The following TBC1D8 variants were observed in gnomAD, a reference collection of about 807,000 sequenced individuals.
TBC1D8 encodes BUB2-like protein 1.
In TBC1D8, 65 loss-of-function variants were observed where a neutral mutation model predicts 118.8. The observed-to-expected ratio is 0.55, with a 90% CI of 0.45 to 0.67. The LOEUF is 0.67. Ranked by LOEUF, TBC1D8 falls within the 30% of genes least tolerant of loss-of-function variation. The probability of loss-of-function intolerance (pLI) is 0.00; values close to 1 mark genes in which losing one functional copy is unlikely to be tolerated. For missense variants in TBC1D8, 1,376 were observed against 1,471.2 expected (o/e 0.94, Z 1.06); for synonymous variants, 566 against 595.8 (o/e 0.95, Z 0.73).
chr2:101,031,918 C>A (rs1015102433), intron 11 of TBC1D8, among the ~76,000 whole-genome samples: 2 of 152,050 alleles, frequency 1.3e-5, no homozygotes, highest in African/African-American at 4.8e-5. Flanking sequence ...CCATGGCATC[C>A]ATGTAAAACC....
intron 3 of TBC1D8, 144 bp downstream of exon 3, chr2:101,059,277 G>A (rs1682623693): frequency 1.8e-6 from 1 of 563,006 alleles, no homozygotes; most frequent in East Asian, 3.0e-5. Flanking sequence ...GTTAAGACAG[G>A]TGATAAATGA....
intron 1 of TBC1D8, among the ~76,000 whole-genome samples, chr2:101,137,343 C>T (rs1420778532): frequency 6.7e-6 from 1 of 148,942 alleles, no homozygotes; most frequent in African/African-American, 2.5e-5. Flanking sequence ...GACGGAGTCT[C>T]GCACTCTCGC....
chr2:101,069,786 A>G (rs1558672208), intron 2 of TBC1D8, among the ~76,000 whole-genome samples: 1 of 151,892 alleles, frequency 6.6e-6, no homozygotes, highest in African/African-American at 2.4e-5. Context: ...ATTTTATGGG[A>G]TTTTTTTTCT....
In TBC1D8 at chr2:101,028,151, AG is replaced by A. The variant is rs781467703; in HGVS notation, c.2353-6del. ...CACAGACTGGTCTCCAAATTTCTGC[AG>A]GGAAAAAAGGGACCACTTGCTCAGT... On this transcript the variant is annotated splice_polypyrimidine_tract_variant and splice_region_variant and intron_variant, in intron 13 of 19. Coordinates refer to ENST00000409318, the MANE Select transcript of TBC1D8 (RefSeq NM_001330348.2). 6.2e-7 allele frequency: 1 copy of A among 1,613,796 alleles called. No homozygotes were observed. The highest frequency in any genetic ancestry group is 1.7e-5 in the Admixed American group (1 of 59,992).
rs568654621 is a variant in TBC1D8 at position 101,100,306 on chromosome 2, C to T, written c.128-9942G>A. ...AATACCTAGGAATACAGCTAACAAGCGATGTGAAGGGTCTCTTCAAAGAGA... is the reference window on the plus strand; with the variant it reads ...AATACCTAGGAATACAGCTAACAAGTGATGTGAAGGGTCTCTTCAAAGAGA... On this transcript the variant is annotated intron_variant, in intron 1 of 19. Coordinates refer to ENST00000409318, the MANE Select transcript of TBC1D8 (RefSeq NM_001330348.2). Among the ~76,000 whole-genome samples, 9 of 152,074 alleles carry T rather than the reference C, an allele frequency of 5.9e-5. No individual in the cohort carries two copies. In the South Asian group the frequency reaches 6.2e-4, roughly 11 times the overall value.
chr2:101,131,065 T>C (rs1405964280), intron 1 of TBC1D8, among the ~76,000 whole-genome samples: 1 of 152,022 alleles, frequency 6.6e-6, no homozygotes, highest in East Asian at 1.9e-4. Context: ...TTATTTTATT[T>C]ATTTATTTAT....
intron 17 of TBC1D8, among the ~76,000 whole-genome samples, chr2:101,012,058 G>T (rs1400934197): frequency 6.6e-6 from 1 of 152,170 alleles, no homozygotes; most frequent in East Asian, 1.9e-4. Context: ...TTAGTATTAG[G>T]AGTGTTCTTA....
intron 2 of TBC1D8, among the ~76,000 whole-genome samples, chr2:101,079,859 T>C (rs1350452013): frequency 6.6e-6 from 1 of 151,828 alleles, no homozygotes; most frequent in East Asian, 1.9e-4. Context: ...CTAATTTTTT[T>C]GTATTTTTAG....
intron 15 of TBC1D8, among the ~76,000 whole-genome samples, chr2:101,024,761 A>G (rs1166289559): frequency 6.6e-6 from 1 of 152,156 alleles, no homozygotes; most frequent in Non-Finnish European, 1.5e-5. Flanking sequence ...CTAAAGTTGA[A>G]TATATACGTC....
intron 3 of TBC1D8, among the ~76,000 whole-genome samples, chr2:101,056,096 A>C (rs1483207830): frequency 6.6e-6 from 1 of 151,326 alleles, no homozygotes; most frequent in Non-Finnish European, 1.5e-5. Context: ...TCAAGACAAG[A>C]CTACTTTTTG....
intron 1 of TBC1D8, among the ~76,000 whole-genome samples, chr2:101,099,283 G>A (rs982487597): frequency 6.6e-5 from 10 of 152,098 alleles, no homozygotes; most frequent in Admixed American, 2.0e-4. Flanking sequence ...ATTTCTGGAC[G>A]CATACCATCT....
intron 11 of TBC1D8, among the ~76,000 whole-genome samples, chr2:101,031,222 A>G (rs547188772): frequency 6.6e-6 from 1 of 152,264 alleles, no homozygotes; most frequent in East Asian, 1.9e-4. Context: ...CCACAACACA[A>G]AGTAAAAAGG....
chr2:101,094,290 A>G (rs1676251113), intron 1 of TBC1D8, among the ~76,000 whole-genome samples: 1 of 152,214 alleles, frequency 6.6e-6, no homozygotes, highest in African/African-American at 2.4e-5. Context: ...TTAATACAGA[A>G]TCTTAGCCAT....
chr2:101,060,214 GC>G (rs1682681404), intron 2 of TBC1D8, among the ~76,000 whole-genome samples: 1 of 152,220 alleles, frequency 6.6e-6, no homozygotes, highest in South Asian at 2.1e-4. Flanking sequence ...CATGGAACAA[GC>G]CCTGAGTAGC....
At chr2:101,126,364 ATATCC>A (rs1289830499) in intron 1 of TBC1D8, among the ~76,000 whole-genome samples, 1 of 152,198 alleles carries the variant, frequency 6.6e-6, no homozygotes, top group Non-Finnish European at 1.5e-5. Context: ...CACACAAACC[ATATCC>A]GAACCATAGC....
In TBC1D8 at chr2:101,129,886, C is replaced by T. The variant is rs546337021; in HGVS notation, c.127+21241G>A. 1.1e-4 allele frequency among the ~76,000 whole-genome samples: 16 copies of T among 148,752 alleles called. No individual in the cohort carries two copies. The South Asian group carries it at 3.4e-3, about 32-fold the overall frequency. On this transcript the variant is annotated intron_variant, in intron 1 of 19. Coordinates refer to ENST00000409318, the MANE Select transcript of TBC1D8 (RefSeq NM_001330348.2). ...TGCCACTGCACTCCAGCCTGGGCAA[C>T]AGGGCGAGACTCTGTCTCAAAAAAA...
intron 2 of TBC1D8, among the ~76,000 whole-genome samples, chr2:101,083,574 C>A (rs1675403080): frequency 6.6e-6 from 1 of 152,164 alleles, no homozygotes; most frequent in Non-Finnish European, 1.5e-5. Context: ...TATCTTCTGC[C>A]AAATAATAAT....
At chr2:101,041,405 T>C (rs1169203714) in intron 5 of TBC1D8, among the ~76,000 whole-genome samples, 1 of 152,100 alleles carries the variant, frequency 6.6e-6, no homozygotes, top group African/African-American at 2.4e-5. Flanking sequence ...ACCTTGAAAA[T>C]ATTATACTGA....
intron 17 of TBC1D8, 135 bp from the exon 18 acceptor site, chr2:101,011,675 C>T (rs912994367): frequency 5.0e-6 from 4 of 798,648 alleles, no homozygotes; most frequent in African/African-American, 3.4e-5. Context: ...GCAGGGTCCA[C>T]GAACCCAAAT....
Sources: gnomAD v4.1 joint callset for allele counts (sites outside exome capture counted in the v4.1 genomes callset) on GRCh38, gnomAD v4.1.1 for gene constraint, MANE v1.5 for transcripts, NCBI Gene and HGNC (gene_info 2026-07-23, HGNC 2026-07-21) for gene names.